KCNIP4: variants seen among roughly 807,000 people sequenced by gnomAD.
The protein encoded by KCNIP4 is potassium voltage-gated channel interacting protein 4.
In KCNIP4, 12 loss-of-function variants were observed where a neutral mutation model predicts 34.0. The ratio of observed to expected loss-of-function variants is 0.35; its 90% CI spans 0.23 to 0.57. The LOEUF (loss-of-function observed/expected upper bound fraction) is 0.57. Ranked by LOEUF, KCNIP4 falls within the 20% of genes least tolerant of loss-of-function variation. KCNIP4 has a pLI of 0.83. For synonymous variants in KCNIP4, 124 were observed against 102.2 expected (o/e 1.21, Z -1.29); for missense variants, 238 against 311.7 (o/e 0.76, Z 1.78).
chr4:21,609,577 T>C (rs1175986356), intron 1 of KCNIP4, among the ~76,000 whole-genome samples: 1 of 152,164 alleles, frequency 6.6e-6, no homozygotes, highest in East Asian at 1.9e-4. Flanking sequence ...TAGGACTAGA[T>C]TTGAAGGGGA....
chr4:21,176,592 G>C (rs1475180880), intron 1 of KCNIP4, among the ~76,000 whole-genome samples: 1 of 152,162 alleles, frequency 6.6e-6, no homozygotes, highest in Non-Finnish European at 1.5e-5. Context: ...GCACAGTCTT[G>C]ACTCACTGCA....
chr4:21,508,630 T>C (rs1049643603), intron 1 of KCNIP4, among the ~76,000 whole-genome samples: 6 of 152,214 alleles, frequency 3.9e-5, no homozygotes, highest in African/African-American at 1.4e-4. Flanking sequence ...TCTTAAGATA[T>C]AATAATTTGC....
chr4:21,933,397 T>C (rs754204826), intron 1 of KCNIP4, among the ~76,000 whole-genome samples: 5 of 152,118 alleles, frequency 3.3e-5, no homozygotes, highest in Non-Finnish European at 5.9e-5. Flanking sequence ...TCATTTCACG[T>C]ATGTTCTCTA....
intron 1 of KCNIP4, among the ~76,000 whole-genome samples, chr4:21,088,005 A>C (rs900367709): frequency 1.3e-5 from 2 of 152,152 alleles, no homozygotes; most frequent in African/African-American, 4.8e-5. Flanking sequence ...CACAAATCCT[A>C]AATGTTCATC....
chr4:21,645,056 C>G (rs977845814), intron 1 of KCNIP4, among the ~76,000 whole-genome samples: 12 of 152,084 alleles, frequency 7.9e-5, no homozygotes, highest in African/African-American at 2.9e-4. Context: ...TCTTTATTCA[C>G]AGAAATAATC....
chr4:20,864,266 A>G (rs917801121), intron 2 of KCNIP4, among the ~76,000 whole-genome samples: 1 of 151,586 alleles, frequency 6.6e-6, no homozygotes, highest in African/African-American at 2.4e-5. Context: ...ACACATATGT[A>G]TGTACACATA....
At chr4:21,633,376 A>C (rs1385593736) in intron 1 of KCNIP4, among the ~76,000 whole-genome samples, 1 of 151,980 alleles carries the variant, frequency 6.6e-6, no homozygotes, top group Non-Finnish European at 1.5e-5. Flanking sequence ...ATGGGATGTT[A>C]GTGAATATAA....
In KCNIP4 at chr4:21,434,879, G is replaced by C. The variant is rs114881000; in HGVS notation, c.61+513692C>G. 3.4e-3 allele frequency among the ~76,000 whole-genome samples: 520 copies of C among 152,028 alleles called. 3 individuals are homozygous for C. The highest frequency in any genetic ancestry group is 0.012 in the African/African-American group (499 of 41,464). ...ATTCTGTGTCTAACTTTTTCTGGCT[G>C]GGTGTTCTAGATAAGTTACTGCTTT... is the stretch of plus-strand genomic sequence containing the variant. On this transcript the variant is annotated intron_variant, in intron 1 of 8. Transcript: ENST00000382152.
At chr4:21,566,561 C>T (rs1477027344) in intron 1 of KCNIP4, among the ~76,000 whole-genome samples, 1 of 152,088 alleles carries the variant, frequency 6.6e-6, no homozygotes, top group Non-Finnish European at 1.5e-5. Flanking sequence ...CTGAGTCCTC[C>T]CCAGCCAAGC....
intron 1 of KCNIP4, among the ~76,000 whole-genome samples, chr4:20,989,402 T>C (rs1219382437): frequency 1.3e-5 from 2 of 152,206 alleles, no homozygotes; most frequent in Non-Finnish European, 2.9e-5. Flanking sequence ...GACTTGGAAG[T>C]GGACACAGGT....
At chr4:21,837,197 C>T (rs1047936636) in intron 1 of KCNIP4, among the ~76,000 whole-genome samples, 1 of 147,586 alleles carries the variant, frequency 6.8e-6, no homozygotes, top group Non-Finnish European at 1.5e-5. Flanking sequence ...GAATTACAGG[C>T]GTGAGCCCCG....
At chr4:21,059,276 T>C (rs1341874191) in intron 1 of KCNIP4, among the ~76,000 whole-genome samples, 1 of 152,190 alleles carries the variant, frequency 6.6e-6, no homozygotes, top group Non-Finnish European at 1.5e-5. Context: ...CAATTGTACT[T>C]CTGTACTCCC....
chr4:21,167,443 A>G (rs1203413878), intron 1 of KCNIP4, among the ~76,000 whole-genome samples: 1 of 152,198 alleles, frequency 6.6e-6, no homozygotes, highest in Non-Finnish European at 1.5e-5. Context: ...GATGCATCGA[A>G]TTCTCTGCTT....
chr4:20,882,593 A>G lies in KCNIP4; in HGVS notation c.163+15T>C, dbSNP rs1577309546. On this transcript the variant is annotated intron_variant, in intron 2 of 8. Transcript: ENST00000382152. ...GAGTTTCGGAGGAAAAAAAAAAACAAAAAAACAAACTTGCTTTGAATAGCA... is the reference window on the plus strand; with the variant it reads ...GAGTTTCGGAGGAAAAAAAAAAACAGAAAAACAAACTTGCTTTGAATAGCA... The G allele has an allele frequency of 1.9e-6, 3 of 1,603,208 alleles. No homozygotes were observed. The highest frequency in any genetic ancestry group is 2.7e-5 in the African/African-American group (2 of 74,534).
chr4:21,405,246 A>T (rs565664147), intron 1 of KCNIP4, among the ~76,000 whole-genome samples: 11 of 152,124 alleles, frequency 7.2e-5, no homozygotes, highest in Non-Finnish European at 1.3e-4. Context: ...TTCTCATGCC[A>T]TGTTTGGAGT....
intron 5 of KCNIP4, among the ~76,000 whole-genome samples, chr4:20,736,787 GA>G (rs1432156159): frequency 3.9e-5 from 6 of 152,070 alleles, no homozygotes; most frequent in Non-Finnish European, 5.9e-5. Context: ...TAGCAAAAAT[GA>G]AAAAGACAAA....
chr4:20,893,576 C>T (rs1461683924), intron 1 of KCNIP4, among the ~76,000 whole-genome samples: 1 of 151,778 alleles, frequency 6.6e-6, no homozygotes, highest in Non-Finnish European at 1.5e-5. Flanking sequence ...GCACACACCA[C>T]CATGCCCCAG....
At chr4:21,759,955 A>G (rs904137305) in intron 1 of KCNIP4, among the ~76,000 whole-genome samples, 2 of 151,842 alleles carry the variant, frequency 1.3e-5, no homozygotes, top group Admixed American at 6.6e-5. Flanking sequence ...TCTTCTTTCT[A>G]TTTTCATTGA....
intron 1 of KCNIP4, among the ~76,000 whole-genome samples, chr4:21,731,942 A>C (rs1715632312): frequency 6.6e-6 from 1 of 152,036 alleles, no homozygotes; most frequent in Non-Finnish European, 1.5e-5. Flanking sequence ...CCTCAGAATT[A>C]CCAGTTGACT....
Sources: gnomAD v4.1 joint callset for allele counts (sites outside exome capture counted in the v4.1 genomes callset) on GRCh38, gnomAD v4.1.1 for gene constraint, MANE v1.5 for transcripts, NCBI Gene and HGNC (gene_info 2026-07-23, HGNC 2026-07-21) for gene names.